Variants in PDE7A observed in about 807,000 individuals in gnomAD.
The protein encoded by PDE7A is high affinity 3',5'-cyclic-AMP phosphodiesterase 7A.
Under a neutral mutation model 64.3 loss-of-function variants are expected in PDE7A, and 39 were observed. That is an observed-to-expected ratio of 0.61 (90% CI 0.47 to 0.79). The LOEUF (loss-of-function observed/expected upper bound fraction) is 0.79. Among genes scored for constraint, PDE7A ranks in the 30% least tolerant of loss-of-function variants. The pLI, the probability that PDE7A is intolerant of heterozygous loss-of-function variation, is 0.00. For missense variants in PDE7A, 470 were observed against 582.8 expected (o/e 0.81, Z 1.99); for synonymous variants, 203 against 206.8 (o/e 0.98, Z 0.16).
chr8:65,724,486 TG>T, intron 10 of PDE7A, 135 bp from the exon 11 acceptor site: 2 of 608,322 alleles, frequency 3.3e-6, no homozygotes, highest in South Asian at 2.5e-5. Flanking sequence ...TATTTTTAGA[TG>T]TAAGAATTTA....
At chr8:65,775,479 AT>A (rs1326551187) in intron 3 of PDE7A, among the ~76,000 whole-genome samples, 6 of 152,204 alleles carry the variant, frequency 3.9e-5, no homozygotes, top group Admixed American at 3.9e-4. Context: ...GTCTTTAATT[AT>A]CACGTTTTTA....
intron 1 of PDE7A, among the ~76,000 whole-genome samples, chr8:65,806,382 T>C (rs1373644382): frequency 1.3e-5 from 2 of 152,172 alleles, no homozygotes; most frequent in African/African-American, 2.4e-5. Context: ...GGGAGTGCTA[T>C]TGAGTATAGA....
At chr8:65,814,963 C>CCCAGCTACTCGGGAGGCTGAGGCAG (rs1810360860) in intron 1 of PDE7A, among the ~76,000 whole-genome samples, 2 of 152,050 alleles carry the variant, frequency 1.3e-5, no homozygotes, top group Admixed American at 6.6e-5. Flanking sequence ...CACCTGTAAT[C>CCCAGCTACTCGGGAGGCTGAGGCAG]CCAGCTACTC....
chr8:65,839,671 T>C (rs2128936096), intron 1 of PDE7A, among the ~76,000 whole-genome samples: 1 of 152,330 alleles, frequency 6.6e-6, no homozygotes, highest in South Asian at 2.1e-4. Context: ...GGTGTAATTC[T>C]ACAATATTTG....
In PDE7A at chr8:65,841,839, G is replaced by C. The variant is rs140913845; in HGVS notation, c.-331C>G. On this transcript the variant is annotated 5_prime_UTR_variant, in exon 1 of 13. Coordinates refer to ENST00000401827, the MANE Select transcript of PDE7A (RefSeq NM_001242318.3). ...CGCCCTGGGGCTCCTCGGCCGAGAGGAGCAGGTACCCGGACTGCAGAGTTC... is the reference window on the plus strand; with the variant it reads ...CGCCCTGGGGCTCCTCGGCCGAGAGCAGCAGGTACCCGGACTGCAGAGTTC... 0.01 allele frequency: 1,605 copies of C among 156,340 alleles called. 14 individuals carry two copies. Among genetic ancestry groups the C allele is most frequent in the Non-Finnish European group, 0.016 (1,152 of 70,944 alleles). The allele number at this position is 156,340 out of a possible 1,614,324, so 9.7% of individuals were successfully genotyped here.
intron 7 of PDE7A, among the ~76,000 whole-genome samples, chr8:65,728,852 T>C (rs997991539): frequency 2.6e-5 from 4 of 152,170 alleles, no homozygotes; most frequent in Admixed American, 2.6e-4. Flanking sequence ...CATCAAAACA[T>C]TCTCAGGTAT....
chr8:65,744,643 T>C (rs958536374), intron 5 of PDE7A, among the ~76,000 whole-genome samples: 3 of 152,166 alleles, frequency 2.0e-5, no homozygotes, highest in Non-Finnish European at 2.9e-5. Context: ...AAGGAACCAC[T>C]GCTTTGGTCA....
chr8:65,760,015 A>G (rs903548581), intron 3 of PDE7A, among the ~76,000 whole-genome samples: 2 of 152,122 alleles, frequency 1.3e-5, no homozygotes, highest in East Asian at 3.8e-4. Context: ...CGAGGCAGGC[A>G]GATCACTTGA....
chr8:65,739,816 C>T (rs1477003139), intron 5 of PDE7A, among the ~76,000 whole-genome samples: 2 of 152,122 alleles, frequency 1.3e-5, no homozygotes, highest in South Asian at 2.1e-4. Context: ...TACTTTTCCA[C>T]AACCAAAGAA....
chr8:65,724,211 A>G lies in PDE7A; in HGVS notation c.1162+44T>C, dbSNP rs565859799. 18 of 1,267,084 alleles carry G rather than the reference A, an allele frequency of 1.4e-5. No homozygotes were observed. The African/African-American group carries it at 2.5e-4, about 18-fold the overall frequency. 78.5% of individuals were successfully genotyped at this position (1,267,084 alleles called of 1,614,324 possible). A position where few individuals can be genotyped will look rare whatever the true frequency, so the allele number is the denominator to read the frequency against. On this transcript the variant is annotated intron_variant, in intron 11 of 12. Coordinates refer to ENST00000401827, the MANE Select transcript of PDE7A (RefSeq NM_001242318.3). ...ATTTTATTCTTACGATGTTAAAAAA[A>G]AATGAACTGGATAGATTAATTATCA...
chr8:65,749,749 G>C (rs1421605691), intron 3 of PDE7A, among the ~76,000 whole-genome samples: 1 of 152,008 alleles, frequency 6.6e-6, no homozygotes, highest in Non-Finnish European at 1.5e-5. Flanking sequence ...CCCAATATAG[G>C]GTGACACCTG....
rs146335165 is a variant in PDE7A at position 65,716,822 on chromosome 8, T to C, written c.*2468A>G. Reference sequence around the variant, plus strand: ...GAGTTATCAGACTTTCTGTACACATTAAATATAGGCCAAGGTATGGCCATC... The same window carrying C: ...GAGTTATCAGACTTTCTGTACACATCAAATATAGGCCAAGGTATGGCCATC... On this transcript the variant is annotated 3_prime_UTR_variant, in exon 13 of 13. Transcript: ENST00000401827. Among the ~76,000 whole-genome samples the C allele has an allele frequency of 6.6e-6, 1 of 152,318 alleles. No individual in the cohort carries two copies. The highest frequency in any genetic ancestry group is 2.4e-5 in the African/African-American group (1 of 41,580).
At chr8:65,784,409 A>G (rs1809494307) in intron 1 of PDE7A, among the ~76,000 whole-genome samples, 1 of 152,234 alleles carries the variant, frequency 6.6e-6, no homozygotes, top group African/African-American at 2.4e-5. Flanking sequence ...GGTGCTATCT[A>G]GAAAAACATA....
intron 1 of PDE7A, among the ~76,000 whole-genome samples, chr8:65,807,370 T>C (rs1317532188): frequency 6.6e-6 from 1 of 152,248 alleles, no homozygotes; most frequent in East Asian, 1.9e-4. Context: ...GATTTCTGTA[T>C]GTTGATCTTG....
intron 4 of PDE7A, 54 bp downstream of exon 4, chr8:65,747,598 G>C: frequency 9.1e-7 from 1 of 1,100,480 alleles, no homozygotes; most frequent in Non-Finnish European, 1.3e-6. Flanking sequence ...GGGAATAAAG[G>C]CCTTCAGTAA....
chr8:65,775,856 T>G (rs1272704840), intron 3 of PDE7A, among the ~76,000 whole-genome samples: 1 of 152,212 alleles, frequency 6.6e-6, no homozygotes, highest in Non-Finnish European at 1.5e-5. Context: ...CTTAAACTCC[T>G]GACCTCAGGT....
At chr8:65,834,738 T>A (rs2128935089) in intron 1 of PDE7A, among the ~76,000 whole-genome samples, 1 of 152,294 alleles carries the variant, frequency 6.6e-6, no homozygotes, top group East Asian at 1.9e-4. Flanking sequence ...GAGCCATCCC[T>A]ACCAGCAGGT....
In PDE7A at chr8:65,759,095, G is replaced by A. The variant is rs528429187; in HGVS notation, c.284-11292C>T. Among the ~76,000 whole-genome samples, 19 of 152,302 alleles carry A rather than the reference G, an allele frequency of 1.2e-4. No homozygotes were observed. In the East Asian group the frequency reaches 3.1e-3, roughly 25 times the overall value. On this transcript the variant is annotated intron_variant, in intron 3 of 12. Coordinates refer to ENST00000401827, the MANE Select transcript of PDE7A (RefSeq NM_001242318.3). Reference sequence around the variant, plus strand: ...TTCCATGGACCTCAGGGAGGCACACGGGGATACTTGCTTGCATTTTACGTC... The same window carrying A: ...TTCCATGGACCTCAGGGAGGCACACAGGGATACTTGCTTGCATTTTACGTC...
chr8:65,816,961 T>A (rs1810422367), intron 1 of PDE7A, among the ~76,000 whole-genome samples: 1 of 152,228 alleles, frequency 6.6e-6, no homozygotes. Flanking sequence ...TGTAGTACAC[T>A]TAATGTTTTT....
Sources: gnomAD v4.1 joint callset for allele counts (sites outside exome capture counted in the v4.1 genomes callset) on GRCh38, gnomAD v4.1.1 for gene constraint, MANE v1.5 for transcripts, NCBI Gene and HGNC (gene_info 2026-07-23, HGNC 2026-07-21) for gene names.